The following BMPER variants were observed in gnomAD, a reference collection of about 807,000 sequenced individuals.
BMPER encodes BMP-binding endothelial regulator protein.
A neutral mutation model predicts 87.3 loss-of-function variants in BMPER; 45 were observed. That is an observed-to-expected ratio of 0.52 (90% confidence interval 0.41 to 0.66). The LOEUF (loss-of-function observed/expected upper bound fraction) is 0.66, where lower values mean the gene tolerates loss of function less well. BMPER is among the 30% of genes least tolerant of loss of function. The pLI is 0.00. For missense variants in BMPER, 784 were observed against 867.5 expected, an observed-to-expected ratio of 0.90 and a Z score of 1.21; for synonymous variants, 326 against 316.2, an observed-to-expected ratio of 1.03 and a Z score of -0.33.
chr7:33,975,646 AT>A (rs1412924344), intron 6 of BMPER, among the ~76,000 whole-genome samples: 3 of 152,128 alleles, frequency 2.0e-5, no homozygotes, highest in Admixed American at 6.5e-5. Context: ...ACAACCATCT[AT>A]TTTTTAAGCT....
chr7:34,049,505 G>A (rs1190697057), intron 7 of BMPER, among the ~76,000 whole-genome samples: 2 of 152,132 alleles, frequency 1.3e-5, no homozygotes, highest in Non-Finnish European at 2.9e-5. Context: ...GGTAGTATAG[G>A]CAACAGGCTA....
chr7:34,019,364 A>C (rs1453380336), intron 6 of BMPER, among the ~76,000 whole-genome samples: 1 of 152,046 alleles, frequency 6.6e-6, no homozygotes, highest in Non-Finnish European at 1.5e-5. Flanking sequence ...CAAGGGCTTC[A>C]CTACCCAAGA....
At chr7:34,119,969 A>G (rs1790220468) in intron 13 of BMPER, among the ~76,000 whole-genome samples, 1 of 152,238 alleles carries the variant, frequency 6.6e-6, no homozygotes, top group Non-Finnish European at 1.5e-5. Context: ...AAGTGAAAAA[A>G]GTGATATTAG....
intron 9 of BMPER, among the ~76,000 whole-genome samples, chr7:34,057,264 C>T (rs895834102): frequency 6.6e-6 from 1 of 152,172 alleles, no homozygotes; most frequent in African/African-American, 2.4e-5. Context: ...TACCCACAAG[C>T]AAGGATGCAC....
chr7:34,051,962 A>C lies in BMPER; in HGVS notation c.778A>C (p.Thr260Pro). Reference protein sequence around the residue: ...SFLYDNCTACTCRDSTVVCKR... With the variant: ...SFLYDNCTACPCRDSTVVCKR... Reference sequence around the variant, plus strand: ...TCTGTACGATAACTGCACAGCTTGTACCTGCAGGGTAAGGCAGCTCTGAGA... The same window carrying C: ...TCTGTACGATAACTGCACAGCTTGTCCCTGCAGGGTAAGGCAGCTCTGAGA... Residue 260 changes from threonine (T) to proline (P), a missense_variant, in exon 8 of 15, where the codon ACC becomes CCC. Physicochemically the swap from Thr to Pro is conservative, Grantham distance 38. Coordinates refer to ENST00000649409, the MANE Select transcript of BMPER (RefSeq NM_001365308.1). The C allele has an allele frequency of 6.2e-7, 1 of 1,612,664 alleles. No homozygotes were observed. The highest frequency in any genetic ancestry group is 8.5e-7 in the Non-Finnish European group (1 of 1,178,678).
intron 6 of BMPER, among the ~76,000 whole-genome samples, chr7:34,021,533 C>T (rs1787188190): frequency 6.6e-6 from 1 of 151,930 alleles, no homozygotes; most frequent in Non-Finnish European, 1.5e-5. Context: ...GGCAATTGTA[C>T]CTATGGTCAC....
chr7:33,909,305 A>G (rs1434766315), intron 2 of BMPER, among the ~76,000 whole-genome samples: 1 of 152,180 alleles, frequency 6.6e-6, no homozygotes, highest in Non-Finnish European at 1.5e-5. Flanking sequence ...CATGCCTATA[A>G]CCATAAGAAA....
At chr7:34,072,016 C>A (rs542781760) in intron 11 of BMPER, among the ~76,000 whole-genome samples, 153 of 152,226 alleles carry the variant, frequency 1.0e-3, no homozygotes, top group African/African-American at 3.4e-3. Context: ...AAAGGAATGG[C>A]CTTGAAGCCA....
At chr7:34,095,675 G>A (rs763336217) in intron 13 of BMPER, among the ~76,000 whole-genome samples, 1 of 152,124 alleles carries the variant, frequency 6.6e-6, no homozygotes, top group Non-Finnish European at 1.5e-5. Context: ...CTTTTCCCAG[G>A]AGTTATCAGA....
At chr7:34,093,749 G>C (rs1234887584) in intron 13 of BMPER, among the ~76,000 whole-genome samples, 2 of 152,196 alleles carry the variant, frequency 1.3e-5, no homozygotes, top group African/African-American at 4.8e-5. Flanking sequence ...GCAATTAGAA[G>C]GGACTTTTGA....
chr7:34,102,203 C>A (rs1181581782), intron 13 of BMPER, among the ~76,000 whole-genome samples: 1 of 151,928 alleles, frequency 6.6e-6, no homozygotes, highest in Non-Finnish European at 1.5e-5. Context: ...GGGTCATGGT[C>A]CTCCTCCCAG....
chr7:33,918,130 C>T (rs1490522683), intron 2 of BMPER, among the ~76,000 whole-genome samples: 1 of 152,128 alleles, frequency 6.6e-6, no homozygotes, highest in Non-Finnish European at 1.5e-5. Flanking sequence ...AGTGAGCCAC[C>T]ACACCTGGCT....
At chr7:33,925,101 TAGA>T (rs1285824254) in intron 2 of BMPER, among the ~76,000 whole-genome samples, 1 of 152,198 alleles carries the variant, frequency 6.6e-6, no homozygotes, top group East Asian at 1.9e-4. Context: ...TCGTCCCTGC[TAGA>T]ACGTCAGCCC....
intron 13 of BMPER, among the ~76,000 whole-genome samples, chr7:34,098,916 C>A (rs1241754521): frequency 6.6e-6 from 1 of 152,184 alleles, no homozygotes; most frequent in Admixed American, 6.5e-5. Context: ...TGTCTGAAAA[C>A]AGAGGGCTAT....
Position 33,976,275 on chromosome 7 carries a change from C to T in BMPER, c.576+1491C>T, listed in dbSNP as rs538809543. On this transcript the variant is annotated intron_variant, in intron 6 of 14. Transcript: ENST00000649409. ...TCAAGTGATTCTCCTGCCTCAGCCT[C>T]CCAAGTAGCTGGGATTACAGGTGTG... Among the ~76,000 whole-genome samples, 3 of 152,240 alleles carry T rather than the reference C, an allele frequency of 2.0e-5. No homozygotes were observed. In the East Asian group the frequency reaches 5.8e-4, roughly 29 times the overall value.
intron 3 of BMPER, among the ~76,000 whole-genome samples, chr7:33,960,368 T>C (rs943868623): frequency 4.6e-5 from 7 of 152,230 alleles, no homozygotes; most frequent in African/African-American, 1.7e-4. Context: ...TACTTCCATA[T>C]GTTTCTGGAG....
At chr7:33,919,485 G>T (rs1359615050) in intron 2 of BMPER, among the ~76,000 whole-genome samples, 3 of 152,158 alleles carry the variant, frequency 2.0e-5, no homozygotes. Context: ...GAATTAATGG[G>T]ATCTTCTGTA....
chr7:33,968,595 A>G (rs963579499), intron 4 of BMPER, among the ~76,000 whole-genome samples: 1 of 152,196 alleles, frequency 6.6e-6, no homozygotes, highest in African/African-American at 2.4e-5. Flanking sequence ...TTAACTACCT[A>G]TAAAACAGAA....
chr7:34,013,412 C>T (rs571436956), intron 6 of BMPER, among the ~76,000 whole-genome samples: 7 of 151,628 alleles, frequency 4.6e-5, no homozygotes, highest in East Asian at 2.0e-4. Context: ...TGATCTCCAG[C>T]GAAGGCGTCC....
Sources: allele counts gnomAD v4.1 joint callset (sites outside exome capture counted in the v4.1 genomes callset), GRCh38; gene constraint gnomAD v4.1.1; transcripts MANE v1.5; gene names NCBI Gene and HGNC (gene_info 2026-07-23, HGNC 2026-07-21).